The following CAMK2D variants were observed in gnomAD, a reference collection of about 807,000 sequenced individuals.
CAMK2D encodes the protein calcium/calmodulin-dependent protein kinase type II subunit delta.
CAMK2D carries 37 observed loss-of-function variants against 84.0 expected under a neutral mutation model. The observed-to-expected ratio is 0.44, with a 90% confidence interval of 0.34 to 0.58. The LOEUF is 0.58. CAMK2D is among the 20% of genes least tolerant of loss of function. The probability of loss-of-function intolerance (pLI) is 0.02; values close to 1 mark genes in which losing one functional copy is unlikely to be tolerated. For synonymous variants in CAMK2D, 202 were observed against 212.5 expected (o/e 0.95, Z 0.43); for missense variants, 448 against 652.5 (o/e 0.69, Z 3.41).
intron 2 of CAMK2D, among the ~76,000 whole-genome samples, chr4:113,742,219 A>G (rs991368205): frequency 2.6e-5 from 4 of 152,210 alleles, no homozygotes; most frequent in Non-Finnish European, 5.9e-5. Flanking sequence ...AATATAAGAC[A>G]TGAGAGACCT....
chr4:113,684,534 A>G (rs1479330647), intron 2 of CAMK2D, among the ~76,000 whole-genome samples: 1 of 152,150 alleles, frequency 6.6e-6, no homozygotes, highest in Non-Finnish European at 1.5e-5. Flanking sequence ...TCTTTGTGTA[A>G]CAGAGGACTT....
intron 4 of CAMK2D, among the ~76,000 whole-genome samples, chr4:113,561,289 C>T (rs1236284310): frequency 6.6e-6 from 1 of 152,084 alleles, no homozygotes; most frequent in African/African-American, 2.4e-5. Flanking sequence ...GTCTGGGCAA[C>T]ATAGTGAGAC....
rs1371149815 is a variant in CAMK2D, at chr4:113,451,559, T to A, written c.*2986A>T. On this transcript the variant is annotated 3_prime_UTR_variant, in exon 21 of 21. Transcript: ENST00000511664. ...CTTGCTCAGAGCATCAAGACAGTGG[T>A]GAGAGAACCCATCATTAAAACAAGG... 1 of 152,132 alleles carries A rather than the reference T, an allele frequency of 6.6e-6. No individual in the cohort carries two copies. The highest frequency in any genetic ancestry group is 2.4e-5 in the African/African-American group (1 of 41,434). The allele number at this position is 152,132 out of a possible 1,614,324, so 9.4% of individuals were successfully genotyped here. A position where few individuals can be genotyped will look rare whatever the true frequency, so the allele number is the denominator to read the frequency against.
rs974526712 is a variant in CAMK2D, at chr4:113,686,995, G to A, written c.161-25223C>T. Among the ~76,000 whole-genome samples the A allele has an allele frequency of 3.3e-5, 5 of 152,004 alleles. No individual in the cohort carries two copies. In the South Asian group the frequency reaches 8.3e-4, roughly 25 times the overall value. On this transcript the variant is annotated intron_variant, in intron 2 of 20. Coordinates refer to ENST00000511664, the MANE Select transcript of CAMK2D (RefSeq NM_001321571.2). ...CCAAAATGTAAAACTCCAGATTCAT[G>A]GATATAAGTTTCCCAGGAAGGAAAA...
chr4:113,458,739 C>G (rs2154102736), intron 18 of CAMK2D, among the ~76,000 whole-genome samples: 1 of 152,260 alleles, frequency 6.6e-6, no homozygotes, highest in Middle Eastern at 3.4e-3. Context: ...AGTAACTCAT[C>G]CAACACATCT....
intron 4 of CAMK2D, among the ~76,000 whole-genome samples, chr4:113,567,198 C>T (rs1474642954): frequency 1.4e-5 from 2 of 138,282 alleles, no homozygotes; most frequent in Non-Finnish European, 3.1e-5. Context: ...GATGGAGTCT[C>T]GCTCTGTCAC....
rs577229873 is a variant in CAMK2D at position 113,581,729 on chromosome 4, GT to G, written c.275+27422del. Among the ~76,000 whole-genome samples, 478 of 152,232 alleles carry G rather than the reference GT, an allele frequency of 3.1e-3. 3 individuals are homozygous for G. The highest frequency in any genetic ancestry group is 0.011 in the African/African-American group (463 of 41,530). On this transcript the variant is annotated intron_variant, in intron 4 of 20. Coordinates refer to ENST00000511664, the MANE Select transcript of CAMK2D (RefSeq NM_001321571.2). ...TACTCCTTCTACTTTAGGAATTAAA[GT>G]GGTGGTGCTAGCAAAACATTGATAT...
At chr4:113,676,463 C>A (rs1466076789) in intron 2 of CAMK2D, among the ~76,000 whole-genome samples, 2 of 151,926 alleles carry the variant, frequency 1.3e-5, no homozygotes, top group African/African-American at 4.8e-5. Flanking sequence ...CTCCACTGTT[C>A]CCAATCCATA....
chr4:113,461,852 C>T lies in CAMK2D; in HGVS notation c.1212-1611G>A, dbSNP rs76599499. Among the ~76,000 whole-genome samples the T allele has an allele frequency of 4.7e-3, 723 of 152,274 alleles. 17 individuals carry two copies. In the East Asian group the frequency reaches 0.08, roughly 17 times the overall value. On this transcript the variant is annotated intron_variant, in intron 17 of 20. Transcript: ENST00000511664. ...ATACAAATTTCAAAAGTCTAACTCA[C>T]TGTAGTTCCTCAAAGTGCAGTACTG...
At chr4:113,585,139 A>C (rs1358189388) in intron 4 of CAMK2D, among the ~76,000 whole-genome samples, 1 of 152,194 alleles carries the variant, frequency 6.6e-6, no homozygotes, top group Non-Finnish European at 1.5e-5. Context: ...CAATTTTTCC[A>C]CTAGAGGAGA....
At chr4:113,477,945 T>C (rs1442728552) in intron 16 of CAMK2D, among the ~76,000 whole-genome samples, 1 of 152,188 alleles carries the variant, frequency 6.6e-6, no homozygotes, top group African/African-American at 2.4e-5. Flanking sequence ...TTTCAAAATT[T>C]AATGTATAGT....
intron 16 of CAMK2D, among the ~76,000 whole-genome samples, chr4:113,498,573 ATTTCT>A (rs2097977714): frequency 6.6e-6 from 1 of 152,140 alleles, no homozygotes; most frequent in South Asian, 2.1e-4. Context: ...TCAACTGGAC[ATTTCT>A]TTTGATCTCA....
chr4:113,665,997 A>C (rs1406240046), intron 2 of CAMK2D, among the ~76,000 whole-genome samples: 1 of 152,256 alleles, frequency 6.6e-6, no homozygotes, highest in Non-Finnish European at 1.5e-5. Context: ...ATATATTTTA[A>C]CTTACAAAAT....
At chr4:113,636,968 C>A (rs1044842902) in intron 3 of CAMK2D, among the ~76,000 whole-genome samples, 19 of 152,282 alleles carry the variant, frequency 1.2e-4, no homozygotes, top group African/African-American at 4.3e-4. Context: ...TGCTGCATGG[C>A]CTGCAAGCTG....
intron 2 of CAMK2D, among the ~76,000 whole-genome samples, chr4:113,698,181 C>A (rs2154346103): frequency 6.6e-6 from 1 of 152,142 alleles, no homozygotes; most frequent in Admixed American, 6.6e-5. Context: ...GAATACTACA[C>A]TAAAAATGAA....
At chr4:113,644,125 A>G (rs2099142536) in intron 3 of CAMK2D, among the ~76,000 whole-genome samples, 1 of 152,212 alleles carries the variant, frequency 6.6e-6, no homozygotes, top group African/African-American at 2.4e-5. Context: ...ACTTCATAAG[A>G]CGTGCAGACC....
chr4:113,597,222 C>G (rs923010486), intron 4 of CAMK2D, among the ~76,000 whole-genome samples: 2 of 152,160 alleles, frequency 1.3e-5, no homozygotes, highest in African/African-American at 4.8e-5. Flanking sequence ...GAAAGCTGTC[C>G]TTTAAAACTT....
At chr4:113,466,219 T>G (rs59276156) in intron 16 of CAMK2D, among the ~76,000 whole-genome samples, 5,787 of 151,738 alleles carry the variant, frequency 0.038, 302 homozygotes, top group African/African-American at 0.12. Context: ...ATCACGCCAC[T>G]GCACTCCAGC....
chr4:113,667,946 T>A (rs2099264006), intron 2 of CAMK2D, among the ~76,000 whole-genome samples: 1 of 152,068 alleles, frequency 6.6e-6, no homozygotes, highest in Non-Finnish European at 1.5e-5. Context: ...AATTCCTACA[T>A]CTTAATTTTG....
Sources: allele counts gnomAD v4.1 joint callset (sites outside exome capture counted in the v4.1 genomes callset), GRCh38; gene constraint gnomAD v4.1.1; transcripts MANE v1.5; gene names NCBI Gene and HGNC (gene_info 2026-07-23, HGNC 2026-07-21).